PATL2: variants seen among roughly 807,000 people sequenced by gnomAD.
PATL2 encodes the protein protein PAT1 homolog 2.
PATL2 carries 73 observed loss-of-function variants against 77.0 expected under a neutral mutation model. The observed-to-expected ratio is 0.95, with a 90% confidence interval of 0.78 to 1.15. The LOEUF is 1.15. Among genes scored for constraint, PATL2 ranks in the 50% most tolerant of loss-of-function variants. The pLI is 0.00. For synonymous variants in PATL2, 265 were observed against 257.1 expected (o/e 1.03, Z -0.29); for missense variants, 618 against 655.4 (o/e 0.94, Z 0.62).
At position 44,687,593 on chromosome 15, in the gene PATL2, A is replaced by G. The variant is rs533033476; in HGVS notation, c.-75-11028T>C. Among the ~76,000 whole-genome samples the G allele has an allele frequency of 7.9e-5, 12 of 152,298 alleles. No individual in the cohort carries two copies. In the South Asian group the frequency reaches 2.5e-3, roughly 32 times the overall value. On this transcript the variant is annotated intron_variant, in intron 3 of 17. Coordinates refer to ENST00000682850, the MANE Select transcript of PATL2 (RefSeq NM_001387263.1). ...AAAAGAAAGAAATAAAGGGTATTCA[A>G]ATAGGAAGAGAGGAAGTCAAATTGT...
chr15:44,683,096 A>G (rs953069783), intron 3 of PATL2, among the ~76,000 whole-genome samples: 1 of 152,214 alleles, frequency 6.6e-6, no homozygotes, highest in African/African-American at 2.4e-5. Flanking sequence ...CACAACCCAC[A>G]GAACAGGAGA....
At chr15:44,679,529 ATTTTTTTTTTCTTTTTCTTTTTCTTTT>A (rs1566860217) in intron 3 of PATL2, among the ~76,000 whole-genome samples, 1 of 132,016 alleles carries the variant, frequency 7.6e-6, no homozygotes, top group Non-Finnish European at 1.6e-5. Flanking sequence ...TGCCTGGCCA[ATTTTTTTTTTCTTTTTCTTTTTCTTTT>A]TTTTTTTTTT....
chr15:44,701,271 T>C (rs969657096), intron 3 of PATL2, among the ~76,000 whole-genome samples: 1 of 151,850 alleles, frequency 6.6e-6, no homozygotes, highest in Non-Finnish European at 1.5e-5. Context: ...TTTTTTTTTA[T>C]GTGTCTGTCT....
intron 3 of PATL2, among the ~76,000 whole-genome samples, chr15:44,677,906 C>T (rs1309405232): frequency 2.0e-5 from 3 of 152,190 alleles, no homozygotes; most frequent in Non-Finnish European, 2.9e-5. Context: ...GTGGCATGAT[C>T]TTGGCCCACT....
chr15:44,700,780 C>A (rs2086611669), intron 3 of PATL2, among the ~76,000 whole-genome samples: 2 of 152,122 alleles, frequency 1.3e-5, no homozygotes, highest in Non-Finnish European at 1.5e-5. Flanking sequence ...TCTGATTACT[C>A]TAGCTAGGAC....
At chr15:44,669,239 C>T (rs1290345671) in intron 13 of PATL2, 41 bp downstream of exon 13, 1 of 1,535,822 alleles carries the variant, frequency 6.5e-7, no homozygotes, top group Non-Finnish European at 8.8e-7. Context: ...CTTTGCTGCT[C>T]CTTCCCTTCC....
In PATL2 at chr15:44,666,499, C is replaced by A; in HGVS notation, c.1506G>T (p.Met502Ile). 1 of 1,551,502 alleles carries A rather than the reference C, an allele frequency of 6.4e-7. No homozygotes were observed. Reference sequence around the variant, plus strand: ...GGGGTTCTGCCAGAGAGGCTGTAGGCATTTGGGCTATCTCCCAGGCAATCA... The same window carrying A: ...GGGGTTCTGCCAGAGAGGCTGTAGGAATTTGGGCTATCTCCCAGGCAATCA... ...VVLIAWEIAQMPTASLAEPLA... is the reference protein window; with the variant it reads ...VVLIAWEIAQIPTASLAEPLA... The change falls in exon 17 of 18, where the codon ATG becomes ATT. Residue 502 changes from methionine (M) to isoleucine (I), a missense_variant. By Grantham distance (10) the Met-to-Ile change is conservative. Transcript: ENST00000682850.
rs904629525 is a variant in PATL2, at chr15:44,684,615, A to G, written c.-75-8050T>C. On this transcript the variant is annotated intron_variant, in intron 3 of 17. Coordinates refer to ENST00000682850, the MANE Select transcript of PATL2 (RefSeq NM_001387263.1). ...ACTATGTGGAAAAGACCAAATCTAC[A>G]TTTGATTGGTGTACCCGAAAGTGAT... Among the ~76,000 whole-genome samples, 5 of 152,278 alleles carry G rather than the reference A, an allele frequency of 3.3e-5. No homozygotes were observed. The South Asian group carries it at 6.2e-4, about 19-fold the overall frequency.
Position 44,676,570 on chromosome 15 carries a change from G to A in PATL2, c.-75-5C>T, listed in dbSNP as rs2085965967. 2 of 1,548,790 alleles carry A rather than the reference G, an allele frequency of 1.3e-6. No individual in the cohort carries two copies. Among genetic ancestry groups the A allele is most frequent in the African/African-American group, 1.4e-5 (1 of 72,950 alleles). On this transcript the variant is annotated splice_region_variant and splice_polypyrimidine_tract_variant and intron_variant, in intron 3 of 17. Transcript: ENST00000682850. ...GCCAGCCTCTGGAAGGTAAACCTGA[G>A]ACAAGAAAGAGGCCAAGAGGCACCA...
intron 3 of PATL2, among the ~76,000 whole-genome samples, chr15:44,707,786 C>G (rs1303831686): frequency 1.3e-5 from 2 of 152,180 alleles, no homozygotes; most frequent in African/African-American, 4.8e-5. Flanking sequence ...CTGAGCCCAG[C>G]ACAGCACCAG....
rs911747910 is a variant in PATL2, at chr15:44,711,115, T to C, written c.-349A>G. 3 of 326,194 alleles carry C rather than the reference T, an allele frequency of 9.2e-6. No individual in the cohort carries two copies. Among genetic ancestry groups the C allele is most frequent in the Non-Finnish European group, 1.8e-5 (3 of 168,240 alleles). The allele number at this position is 326,194 out of a possible 1,614,324, so 20.2% of individuals were successfully genotyped here. On this transcript the variant is annotated 5_prime_UTR_variant, in exon 1 of 18. Coordinates refer to ENST00000682850, the MANE Select transcript of PATL2 (RefSeq NM_001387263.1). ...GTAGCATTCAAAGATCTTAATCTTC[T>C]GGGTTTCCGTTTTCTCGAATGAAAA... is the stretch of plus-strand genomic sequence containing the variant.
intron 4 of PATL2, 151 bp from the exon 5 acceptor site, chr15:44,675,842 C>A: frequency 3.0e-6 from 2 of 671,448 alleles, no homozygotes; most frequent in Non-Finnish European, 4.9e-6. Flanking sequence ...GGGTTTAACT[C>A]GGCCTCCCTT....
chr15:44,707,342 C>T (rs2086761060), intron 3 of PATL2, among the ~76,000 whole-genome samples: 1 of 152,100 alleles, frequency 6.6e-6, no homozygotes, highest in African/African-American at 2.4e-5. Flanking sequence ...TGCTGGGTCA[C>T]ACCTTAAGCC....
chr15:44,671,956 G>T (rs530822718), intron 9 of PATL2, 59 bp downstream of exon 9: 1 of 1,539,110 alleles, frequency 6.5e-7, no homozygotes. Context: ...GAGCGGGCCC[G>T]GGAGTCCAGG....
intron 3 of PATL2, among the ~76,000 whole-genome samples, chr15:44,679,389 G>A (rs1316946088): frequency 6.6e-6 from 1 of 151,812 alleles, no homozygotes. Context: ...TGCCATGCCC[G>A]GCTAATTTTT....
chr15:44,689,795 G>A (rs1336969436), intron 3 of PATL2, among the ~76,000 whole-genome samples: 1 of 152,036 alleles, frequency 6.6e-6, no homozygotes, highest in Non-Finnish European at 1.5e-5. Context: ...AACCACCATG[G>A]CACATGTATA....
intron 3 of PATL2, among the ~76,000 whole-genome samples, chr15:44,685,571 G>A (rs555753609): frequency 3.3e-5 from 5 of 151,324 alleles, no homozygotes; most frequent in Non-Finnish European, 7.4e-5. Flanking sequence ...TTGCGCCTTT[G>A]CATTCCAGCC....
At chr15:44,702,803 T>G (rs149236339) in intron 3 of PATL2, among the ~76,000 whole-genome samples, 184 of 152,268 alleles carry the variant, frequency 1.2e-3, no homozygotes, top group Non-Finnish European at 2.1e-3. Context: ...GTTTCAAACA[T>G]TCCTCTTGTT....
Position 44,672,087 on chromosome 15 carries a change from C to CT in PATL2, c.584dup (p.Asp196GlyfsTer20). 6.4e-7 allele frequency: 1 copy of CT among 1,551,678 alleles called. No individual in the cohort carries two copies. Among genetic ancestry groups the CT allele is most frequent in the Non-Finnish European group, 8.7e-7 (1 of 1,146,982 alleles). On this transcript the variant is annotated frameshift_variant, in exon 9 of 18. Transcript: ENST00000682850. LOFTEE classifies it high-confidence loss of function. The stretch of plus-strand genomic sequence containing the variant: ...CCATCTGCACTTTTATCACCCAGTC[C>CT]TTCTCTTTTCTGGTCATGAGGTTAG...
Sources: allele counts gnomAD v4.1 joint callset (sites outside exome capture counted in the v4.1 genomes callset), GRCh38; gene constraint gnomAD v4.1.1; transcripts MANE v1.5; gene names NCBI Gene and HGNC (gene_info 2026-07-23, HGNC 2026-07-21).